Variants in ANO3 observed in about 807,000 individuals in gnomAD.
ANO3 encodes the protein anoctamin 3.
In ANO3, 99 loss-of-function variants were observed where a neutral mutation model predicts 144.8. That is an observed-to-expected ratio of 0.68 (90% confidence interval 0.58 to 0.81). ANO3 has a LOEUF of 0.81. Ranked by LOEUF, ANO3 falls within the 30% of genes least tolerant of loss-of-function variation. ANO3 has a pLI of 0.00. For synonymous variants in ANO3, 414 were observed against 392.6 expected, an observed-to-expected ratio of 1.05 and a Z score of -0.64; for missense variants, 905 against 1,202.2, an observed-to-expected ratio of 0.75 and a Z score of 3.66.
chr11:26,615,412 A>ATTT (rs199774508), intron 17 of ANO3, among the ~76,000 whole-genome samples: 4 of 105,040 alleles, frequency 3.8e-5, no homozygotes, highest in African/African-American at 1.7e-4. Flanking sequence ...ATATATATAT[A>ATTT]TATTTTTTTT....
chr11:26,579,699 A>C (rs1851079671), intron 14 of ANO3, among the ~76,000 whole-genome samples: 1 of 152,176 alleles, frequency 6.6e-6, no homozygotes, highest in Non-Finnish European at 1.5e-5. Context: ...TTTAAAAAGC[A>C]AAAGAAAGTA....
intron 1 of ANO3, among the ~76,000 whole-genome samples, chr11:26,213,288 A>G (rs1192028728): frequency 6.6e-6 from 1 of 152,136 alleles, no homozygotes; most frequent in Non-Finnish European, 1.5e-5. Context: ...CAGGGAAATC[A>G]GGCAAGAGAC....
At chr11:26,243,183 G>A (rs117550034) in intron 1 of ANO3, among the ~76,000 whole-genome samples, 2,774 of 152,146 alleles carry the variant, frequency 0.018, 50 homozygotes, top group Non-Finnish European at 0.027. Context: ...AACAATACAC[G>A]TTTTCAGAAG....
intron 20 of ANO3, 62 bp from the exon 21 acceptor site, chr11:26,639,082 G>T: frequency 3.7e-6 from 4 of 1,092,618 alleles, no homozygotes; most frequent in Non-Finnish European, 5.6e-6. Flanking sequence ...TTTAATGGTG[G>T]GCATGTCTGA....
chr11:26,599,464 G>A, intron 16 of ANO3, 86 bp from the exon 17 acceptor site: 1 of 1,307,740 alleles, frequency 7.6e-7, no homozygotes, highest in African/African-American at 1.5e-5. Flanking sequence ...TCAATTCTTG[G>A]GGACAGTAGA....
At chr11:26,655,579 T>C (rs1446040877) in intron 24 of ANO3, among the ~76,000 whole-genome samples, 1 of 152,152 alleles carries the variant, frequency 6.6e-6, no homozygotes, top group Non-Finnish European at 1.5e-5. Flanking sequence ...TTATTAATTA[T>C]GTTTATTGTG....
intron 10 of ANO3, among the ~76,000 whole-genome samples, chr11:26,540,017 C>A (rs1849605219): frequency 6.6e-6 from 1 of 151,964 alleles, no homozygotes; most frequent in Non-Finnish European, 1.5e-5. Context: ...TATATAGTCA[C>A]CGCATATATT....
intron 1 of ANO3, among the ~76,000 whole-genome samples, chr11:26,343,256 G>A (rs1855411124): frequency 6.6e-6 from 1 of 152,170 alleles, no homozygotes; most frequent in Admixed American, 6.5e-5. Context: ...CTAATCTCAT[G>A]TATATATTTA....
chr11:26,588,337 T>C (rs77464576), intron 14 of ANO3, among the ~76,000 whole-genome samples: 5 of 136,540 alleles, frequency 3.7e-5, no homozygotes, highest in African/African-American at 1.3e-4. Flanking sequence ...TCTGTATACC[T>C]TTTTCTAATT....
At chr11:26,424,167 T>TA (rs1401090060) in intron 1 of ANO3, among the ~76,000 whole-genome samples, 6 of 105,222 alleles carry the variant, frequency 5.7e-5, no homozygotes, top group African/African-American at 4.2e-4. Flanking sequence ...TGCAAATAGA[T>TA]TTTTTTTACT....
Position 26,542,041 on chromosome 11 carries a change from A to G in ANO3, c.1127A>G (p.Tyr376Cys), listed in dbSNP as rs573368691. 7 of 1,612,506 alleles carry G rather than the reference A, an allele frequency of 4.3e-6. No homozygotes were observed. The East Asian group carries it at 1.6e-4, about 36-fold the overall frequency. ...YERWARWGMW[Y>C]KHQPLDLIRL... is the part of the protein sequence containing the mutation. ...CGCTGGGCACGCTGGGGAATGTGGT[A>G]TAAGCATCAGCCTCTGGATTTAATC... is the stretch of plus-strand genomic sequence containing the variant. Residue 376 changes from tyrosine to cysteine, a missense_variant, in exon 11 of 27, where the codon TAT (tyrosine) becomes TGT (cysteine). Physicochemically the swap from Tyr to Cys is radical, Grantham distance 194. This residue lies in a region of ANO3 where 597 missense variants were observed against 865.1 expected (regional missense o/e 0.69). Coordinates refer to ENST00000256737, the MANE Select transcript of ANO3 (RefSeq NM_031418.4).
intron 13 of ANO3, among the ~76,000 whole-genome samples, chr11:26,558,324 C>G (rs1850149752): frequency 6.6e-6 from 1 of 152,024 alleles, no homozygotes; most frequent in South Asian, 2.1e-4. Flanking sequence ...AAAGTCTGTT[C>G]TAACACTCTA....
At chr11:26,362,845 C>T (rs1855964375) in intron 1 of ANO3, among the ~76,000 whole-genome samples, 1 of 152,160 alleles carries the variant, frequency 6.6e-6, no homozygotes, top group African/African-American at 2.4e-5. Flanking sequence ...TTATTGTCAA[C>T]ATCAACAGTA....
intron 4 of ANO3, among the ~76,000 whole-genome samples, chr11:26,498,453 C>T (rs1861055017): frequency 6.6e-6 from 1 of 151,098 alleles, no homozygotes; most frequent in African/African-American, 2.4e-5. Context: ...TATTTACTCC[C>T]AAATTCATAG....
intron 3 of ANO3, among the ~76,000 whole-genome samples, chr11:26,450,078 A>G (rs1858868823): frequency 1.3e-5 from 2 of 152,032 alleles, no homozygotes; most frequent in Non-Finnish European, 1.5e-5. Context: ...TTCTAACATC[A>G]ATCTTACTGA....
chr11:26,253,423 G>A (rs1310102578), intron 1 of ANO3, among the ~76,000 whole-genome samples: 4 of 151,944 alleles, frequency 2.6e-5, no homozygotes, highest in African/African-American at 9.7e-5. Context: ...GTGAGAGGAG[G>A]GAGAGGATCA....
intron 4 of ANO3, among the ~76,000 whole-genome samples, chr11:26,494,714 A>G (rs1032160477): frequency 6.6e-6 from 1 of 152,160 alleles, no homozygotes; most frequent in Non-Finnish European, 1.5e-5. Context: ...TTGCAAAAAC[A>G]GGGGCTCCTA....
chr11:26,343,370 T>G (rs930206012), intron 1 of ANO3, among the ~76,000 whole-genome samples: 1 of 152,244 alleles, frequency 6.6e-6, no homozygotes, highest in African/African-American at 2.4e-5. Flanking sequence ...AATGCTGATA[T>G]CAAGATTCAG....
intron 1 of ANO3, among the ~76,000 whole-genome samples, chr11:26,361,491 C>T (rs902395372): frequency 2.6e-5 from 4 of 152,090 alleles, no homozygotes; most frequent in African/African-American, 7.2e-5. Flanking sequence ...AGGATTTAGT[C>T]GAACTTCTGT....
Sources: gnomAD v4.1 joint callset for allele counts (sites outside exome capture counted in the v4.1 genomes callset) on GRCh38, gnomAD v4.1.1 for gene constraint, gnomAD v4.1.1 regional missense constraint, MANE v1.5 for transcripts, NCBI Gene and HGNC (gene_info 2026-07-23, HGNC 2026-07-21) for gene names.